The following GAREM1 variants were observed in gnomAD, a reference collection of about 807,000 sequenced individuals.
GAREM1 encodes GRB2 associated regulator of MAPK1 subtype 1, also known as GRB2-associated and regulator of MAPK protein 1.
GAREM1 carries 26 observed loss-of-function variants against 71.3 expected under a neutral mutation model. The observed-to-expected ratio is 0.36, with a 90% CI of 0.27 to 0.51. GAREM1 has a LOEUF of 0.51. Ranked by LOEUF, GAREM1 falls within the 20% of genes least tolerant of loss-of-function variation. GAREM1 has a pLI of 0.95. For missense variants in GAREM1, 1,026 were observed against 1,103.1 expected (o/e 0.93, Z 0.99); for synonymous variants, 440 against 433.2 (o/e 1.02, Z -0.20).
rs145503013 is a variant in GAREM1, at chr18:32,435,739, C to T, written c.121+34569G>A. On this transcript the variant is annotated intron_variant, in intron 1 of 5. Coordinates refer to ENST00000269209, the MANE Select transcript of GAREM1 (RefSeq NM_001242409.2). ...CTGTAGAGGTAAAATCCCACACAAT[C>T]TCTGAAGAGCTACTGTGGCTAATTT... 2.2e-4 allele frequency among the ~76,000 whole-genome samples: 34 copies of T among 152,288 alleles called. 1 individual carries two copies. Among genetic ancestry groups the T allele is most frequent in the African/African-American group, 7.7e-4 (32 of 41,556 alleles).
intron 1 of GAREM1, among the ~76,000 whole-genome samples, chr18:32,468,690 T>G (rs2049020382): frequency 6.6e-6 from 1 of 152,152 alleles, no homozygotes; most frequent in Non-Finnish European, 1.5e-5. Flanking sequence ...CCCTTTAAAC[T>G]TTCAGTTTAA....
chr18:32,458,668 A>G (rs2048921033), intron 1 of GAREM1, among the ~76,000 whole-genome samples: 1 of 152,026 alleles, frequency 6.6e-6, no homozygotes, highest in African/African-American at 2.4e-5. Context: ...CTACCAAAAA[A>G]TTGAACAAAG....
chr18:32,345,849 C>T (rs1048071305), intron 2 of GAREM1, among the ~76,000 whole-genome samples: 3 of 152,096 alleles, frequency 2.0e-5, no homozygotes, highest in African/African-American at 4.8e-5. Context: ...ATCATCTTGA[C>T]GGTCTAAACA....
intron 2 of GAREM1, among the ~76,000 whole-genome samples, chr18:32,372,585 G>C (rs1343387268): frequency 1.3e-5 from 2 of 152,178 alleles, no homozygotes; most frequent in Non-Finnish European, 2.9e-5. Flanking sequence ...GTGACACCCA[G>C]TGAGTCATCA....
rs373833256 is a variant in GAREM1, at chr18:32,385,744, C to T, written c.262+7151G>A. Among the ~76,000 whole-genome samples, 61 of 152,140 alleles carry T rather than the reference C, an allele frequency of 4.0e-4. 1 individual carries two copies. In the South Asian group the frequency reaches 9.1e-3, roughly 23 times the overall value. On this transcript the variant is annotated intron_variant, in intron 2 of 5. Coordinates refer to ENST00000269209, the MANE Select transcript of GAREM1 (RefSeq NM_001242409.2). ...AGCACTTTCCAGGGAATAGTGGAGA[C>T]GGGGGCAGGCTCTGAAGCCACATAT...
intron 1 of GAREM1, among the ~76,000 whole-genome samples, chr18:32,414,815 G>A (rs2048452769): frequency 6.6e-6 from 1 of 151,910 alleles, no homozygotes; most frequent in Non-Finnish European, 1.5e-5. Context: ...AACTAGAAAA[G>A]CATGGGCAAA....
At chr18:32,417,396 A>T (rs763300652) in intron 1 of GAREM1, among the ~76,000 whole-genome samples, 1 of 152,220 alleles carries the variant, frequency 6.6e-6, no homozygotes, top group Non-Finnish European at 1.5e-5. Context: ...GGAAATCAGT[A>T]TAACAAGGAG....
At position 32,310,199 on chromosome 18, in the gene GAREM1, G is replaced by T. The variant is rs752263819; in HGVS notation, c.387C>A (p.Asn129Lys). The T allele has an allele frequency of 6.2e-7, 1 of 1,613,852 alleles. No individual in the cohort carries two copies. The highest frequency in any genetic ancestry group is 8.5e-7 in the Non-Finnish European group (1 of 1,179,898). The change falls in exon 3 of 6, where the codon AAC (asparagine) becomes AAA (lysine). Residue 129 changes from asparagine to lysine, a missense_variant. Transcript: ENST00000269209. ...RVYVMEDITF[N>K]VKVASGECNE... is the part of the protein sequence containing the mutation. ...GTGCTTCAAGAGCTACTACCTTCAC[G>T]TTGAATGTGATATCCTCCATGACGT...
intron 1 of GAREM1, among the ~76,000 whole-genome samples, chr18:32,396,285 C>T (rs182947140): frequency 1.2e-4 from 19 of 152,290 alleles, no homozygotes; most frequent in Non-Finnish European, 1.9e-4. Flanking sequence ...CGCAGCTCCT[C>T]GCCAGCAATG....
chr18:32,381,009 A>AATAT (rs2048091795), intron 2 of GAREM1, among the ~76,000 whole-genome samples: 2 of 151,820 alleles, frequency 1.3e-5, no homozygotes, highest in Admixed American at 6.6e-5. Flanking sequence ...TTATATATAG[A>AATAT]ACAAAGAATT....
At chr18:32,426,391 T>C (rs1410429102) in intron 1 of GAREM1, among the ~76,000 whole-genome samples, 1 of 152,218 alleles carries the variant, frequency 6.6e-6, no homozygotes, top group African/African-American at 2.4e-5. Context: ...AGGCAAAGCA[T>C]GATTATTTTC....
In GAREM1 at chr18:32,288,007, C is replaced by A; in HGVS notation, c.590G>T (p.Cys197Phe). The stretch of plus-strand genomic sequence containing the variant: ...GGTCCGGTGATTCATACAAATGAGG[C>A]ACGGCATTTTGCCTTTTCCCAGCTT... ...ISKLGKGKMPCLICMNHRTNE... is the reference protein window; with the variant it reads ...ISKLGKGKMPFLICMNHRTNE... Residue 197 changes from cysteine (C) to phenylalanine (F), a missense_variant, in exon 4 of 6, where the codon TGC becomes TTC. Cys to Phe is a radical substitution (Grantham distance 205). Coordinates refer to ENST00000269209, the MANE Select transcript of GAREM1 (RefSeq NM_001242409.2). The A allele has an allele frequency of 1.2e-6, 2 of 1,614,112 alleles. No individual in the cohort carries two copies. The highest frequency in any genetic ancestry group is 8.5e-7 in the Non-Finnish European group (1 of 1,180,024).
At chr18:32,421,916 A>C (rs1330219930) in intron 1 of GAREM1, among the ~76,000 whole-genome samples, 1 of 152,170 alleles carries the variant, frequency 6.6e-6, no homozygotes, top group Admixed American at 6.5e-5. Flanking sequence ...TGAGGTTCTC[A>C]GAACTATAAA....
At chr18:32,347,947 A>C (rs1380123146) in intron 2 of GAREM1, among the ~76,000 whole-genome samples, 1 of 152,226 alleles carries the variant, frequency 6.6e-6, no homozygotes, top group Non-Finnish European at 1.5e-5. Flanking sequence ...AATGGGAATG[A>C]AACACTGGTT....
At chr18:32,383,607 A>C (rs1457993940) in intron 2 of GAREM1, among the ~76,000 whole-genome samples, 1 of 152,160 alleles carries the variant, frequency 6.6e-6, no homozygotes. Context: ...TGCTATAAAC[A>C]CTCCATTAAC....
At chr18:32,362,896 A>G (rs1241904120) in intron 2 of GAREM1, among the ~76,000 whole-genome samples, 1 of 152,230 alleles carries the variant, frequency 6.6e-6, no homozygotes, top group Non-Finnish European at 1.5e-5. Context: ...TCTACGTTGA[A>G]TCATTTTATA....
chr18:32,335,963 G>A (rs1404178297), intron 2 of GAREM1, among the ~76,000 whole-genome samples: 11 of 152,180 alleles, frequency 7.2e-5, no homozygotes, highest in Admixed American at 5.9e-4. Context: ...TGTAAGCAGC[G>A]AACGCTGACA....
chr18:32,427,531 T>G (rs2048586975), intron 1 of GAREM1, among the ~76,000 whole-genome samples: 1 of 152,150 alleles, frequency 6.6e-6, no homozygotes, highest in Non-Finnish European at 1.5e-5. Context: ...TCTGGTGCAG[T>G]ATCACCACTA....
chr18:32,391,097 G>A lies in GAREM1; in HGVS notation c.262+1798C>T, dbSNP rs114404110. Among the ~76,000 whole-genome samples, 198 of 152,306 alleles carry A rather than the reference G, an allele frequency of 1.3e-3. 1 individual carries two copies. The highest frequency in any genetic ancestry group is 4.2e-3 in the African/African-American group (175 of 41,566). On this transcript the variant is annotated intron_variant, in intron 2 of 5. Transcript: ENST00000269209. ...AGGTAATTGAATGAAGACTGAGGACGTGTGCTAAATGAATGGGACACATCA... is the reference window on the plus strand; with the variant it reads ...AGGTAATTGAATGAAGACTGAGGACATGTGCTAAATGAATGGGACACATCA...
Sources: allele counts gnomAD v4.1 joint callset (sites outside exome capture counted in the v4.1 genomes callset), GRCh38; gene constraint gnomAD v4.1.1; transcripts MANE v1.5; gene names NCBI Gene and HGNC (gene_info 2026-07-23, HGNC 2026-07-21).